The following CWF19L2 variants were observed in gnomAD, a reference collection of about 807,000 sequenced individuals.
The protein encoded by CWF19L2 is CWF19 like cell cycle control factor 2, also known as CWF19-like protein 2.
CWF19L2 carries 98 observed loss-of-function variants against 111.7 expected under a neutral mutation model. The ratio of observed to expected loss-of-function variants is 0.88; its 90% CI spans 0.75 to 1.04. The LOEUF (loss-of-function observed/expected upper bound fraction) is 1.04. Ranked by LOEUF, CWF19L2 falls within the 50% of genes least tolerant of loss-of-function variation. The pLI is 0.00. For missense variants in CWF19L2, 1,101 were observed against 1,051.4 expected (o/e 1.05, Z -0.65); for synonymous variants, 351 against 342.9 (o/e 1.02, Z -0.26).
intron 12 of CWF19L2, among the ~76,000 whole-genome samples, chr11:107,362,605 T>A (rs1860371949): frequency 1.3e-5 from 2 of 151,154 alleles, no homozygotes; most frequent in Admixed American, 6.6e-5. Flanking sequence ...GACCTGCAGC[T>A]GAGGGTCCTG....
chr11:107,408,113 T>C, intron 10 of CWF19L2, among the ~76,000 whole-genome samples: 1 of 152,042 alleles, frequency 6.6e-6, no homozygotes, highest in Non-Finnish European at 1.5e-5. Flanking sequence ...GATGCCCAGA[T>C]TGCACTAGGC....
intron 3 of CWF19L2, among the ~76,000 whole-genome samples, chr11:107,448,343 CAAAAAAAAAAA>C (rs61259014): frequency 3.6e-5 from 2 of 54,890 alleles, no homozygotes; most frequent in South Asian, 8.2e-4. Flanking sequence ...GACTCCGTCA[CAAAAAAAAAAA>C]AAAAAAAAAA....
rs969476259 is a variant in CWF19L2 at position 107,369,349 on chromosome 11, G to A, written c.1873-15613C>T. 2.2e-4 allele frequency among the ~76,000 whole-genome samples: 30 copies of A among 137,090 alleles called. 8 individuals are homozygous for A. Among genetic ancestry groups the A allele is most frequent in the African/African-American group, 7.3e-4 (25 of 34,360 alleles). 89.9% of individuals were successfully genotyped at this position (137,090 alleles called of 152,430 possible). A position where few individuals can be genotyped will look rare whatever the true frequency, so the allele number is the denominator to read the frequency against. ...TATAATATAAAAGTAGAGCTTCAGA[G>A]GCACCCTCTCTAGGTAATCAATAAA... On this transcript the variant is annotated intron_variant, in intron 12 of 17. Coordinates refer to ENST00000282251, the MANE Select transcript of CWF19L2 (RefSeq NM_152434.3).
intron 12 of CWF19L2, among the ~76,000 whole-genome samples, chr11:107,358,947 C>A (rs1456194769): frequency 6.6e-6 from 1 of 152,140 alleles, no homozygotes; most frequent in African/African-American, 2.4e-5. Flanking sequence ...ACAAGGAGGT[C>A]TGGGAAAGAG....
At chr11:107,440,574 C>G (rs1276039872) in intron 5 of CWF19L2, among the ~76,000 whole-genome samples, 2 of 152,036 alleles carry the variant, frequency 1.3e-5, no homozygotes, top group African/African-American at 4.8e-5. Context: ...CAAAAATATA[C>G]ACATAAGATA....
intron 7 of CWF19L2, among the ~76,000 whole-genome samples, chr11:107,433,419 C>T (rs536988755): frequency 6.6e-6 from 1 of 152,156 alleles, no homozygotes; most frequent in Non-Finnish European, 1.5e-5. Flanking sequence ...ATTAAACACA[C>T]CCACATTTAA....
chr11:107,348,522 C>A (rs1860112928), intron 14 of CWF19L2, among the ~76,000 whole-genome samples: 1 of 152,130 alleles, frequency 6.6e-6, no homozygotes, highest in African/African-American at 2.4e-5. Context: ...CCAATTCTAT[C>A]ACAGGAAAAT....
chr11:107,339,737 C>A (rs1337483183), intron 14 of CWF19L2, among the ~76,000 whole-genome samples: 2 of 147,322 alleles, frequency 1.4e-5, no homozygotes, highest in African/African-American at 5.0e-5. Context: ...GCGATCTCAA[C>A]TCCCTGAAGA....
intron 3 of CWF19L2, among the ~76,000 whole-genome samples, chr11:107,450,820 G>A (rs1861767984): frequency 6.6e-6 from 1 of 152,122 alleles, no homozygotes; most frequent in African/African-American, 2.4e-5. Context: ...TCAAGGAGCT[G>A]TCTATGTACC....
chr11:107,409,497 T>A (rs1861127237), intron 10 of CWF19L2, among the ~76,000 whole-genome samples: 1 of 152,132 alleles, frequency 6.6e-6, no homozygotes, highest in Non-Finnish European at 1.5e-5. Context: ...GTTACAAATG[T>A]TGAGCTTAAT....
rs773685528 is a variant in CWF19L2, at chr11:107,390,205, T to C, written c.1741A>G (p.Thr581Ala). The C allele has an allele frequency of 1.3e-6, 2 of 1,598,820 alleles. No individual in the cohort carries two copies. Among genetic ancestry groups the C allele is most frequent in the Non-Finnish European group, 1.7e-6 (2 of 1,173,660 alleles). Residue 581 changes from threonine to alanine, a missense_variant, in exon 12 of 18, where the codon ACC (threonine) becomes GCC (alanine). Thr to Ala is a moderately conservative substitution (Grantham distance 58). Coordinates refer to ENST00000282251, the MANE Select transcript of CWF19L2 (RefSeq NM_152434.3). ...GGRRKRQMVSTHEERERVRYF... is the reference protein window; with the variant it reads ...GGRRKRQMVSAHEERERVRYF... The stretch of plus-strand genomic sequence containing the variant: ...CTGACCCTTTCTCTTTCCTCATGGG[T>C]TGAAACCTATGACAAAATGAACATT...
chr11:107,387,738 T>A (rs552427281), intron 12 of CWF19L2, among the ~76,000 whole-genome samples: 4 of 152,142 alleles, frequency 2.6e-5, no homozygotes, highest in African/African-American at 9.7e-5. Context: ...TAATTCACAA[T>A]AGGGTTCATG....
intron 12 of CWF19L2, among the ~76,000 whole-genome samples, chr11:107,360,618 C>T (rs149037527): frequency 6.6e-6 from 1 of 152,300 alleles, no homozygotes; most frequent in East Asian, 1.9e-4. Flanking sequence ...CATAAGAGCT[C>T]CCTTATCTCC....
intron 8 of CWF19L2, among the ~76,000 whole-genome samples, chr11:107,420,035 T>TA (rs1836766944): frequency 1.3e-5 from 2 of 149,584 alleles, no homozygotes; most frequent in East Asian, 2.0e-4. Flanking sequence ...AACCACTATT[T>TA]AAAAAAAAAT....
chr11:107,343,631 A>G (rs187702546), intron 14 of CWF19L2, among the ~76,000 whole-genome samples: 548 of 150,326 alleles, frequency 3.6e-3, no homozygotes, highest in African/African-American at 0.012. Flanking sequence ...TGTTCTTTCT[A>G]TTGTTTTTCT....
chr11:107,419,257 C>T (rs1861270715), intron 8 of CWF19L2, among the ~76,000 whole-genome samples: 1 of 152,088 alleles, frequency 6.6e-6, no homozygotes, highest in Non-Finnish European at 1.5e-5. Context: ...AAACAGCATG[C>T]CCTAGACTAA....
At chr11:107,388,479 T>A (rs948171217) in intron 12 of CWF19L2, among the ~76,000 whole-genome samples, 1 of 151,736 alleles carries the variant, frequency 6.6e-6, no homozygotes, top group African/African-American at 2.4e-5. Context: ...ACCTCCCGGG[T>A]TCCAGGGATT....
At position 107,410,208 on chromosome 11, in the gene CWF19L2, T is replaced by C. The variant is rs902556412; in HGVS notation, c.1617+6001A>G. Among the ~76,000 whole-genome samples the C allele has an allele frequency of 4.6e-5, 7 of 152,196 alleles. No homozygotes were observed. The South Asian group carries it at 1.4e-3, about 31-fold the overall frequency. ...CAAAGAGCAAAATTTCCATCAGAAG[T>C]ATTCCATGATTTTCCTCTAGAACGT... is the stretch of plus-strand genomic sequence containing the variant. On this transcript the variant is annotated intron_variant, in intron 10 of 17. Coordinates refer to ENST00000282251, the MANE Select transcript of CWF19L2 (RefSeq NM_152434.3).
At chr11:107,359,631 G>T (rs1190967918) in intron 12 of CWF19L2, among the ~76,000 whole-genome samples, 1 of 151,918 alleles carries the variant, frequency 6.6e-6, no homozygotes. Flanking sequence ...AGAAATACAG[G>T]GCCAGGCACA....
Sources: allele counts gnomAD v4.1 joint callset (sites outside exome capture counted in the v4.1 genomes callset), GRCh38; gene constraint gnomAD v4.1.1; transcripts MANE v1.5; gene names NCBI Gene and HGNC (gene_info 2026-07-23, HGNC 2026-07-21).